KCNJ3: variants seen among roughly 807,000 people sequenced by gnomAD.
KCNJ3 encodes potassium inwardly rectifying channel subfamily J member 3.
KCNJ3 carries 4 observed loss-of-function variants against 39.2 expected under a neutral mutation model. That is an observed-to-expected ratio of 0.10 (90% confidence interval 0.05 to 0.23). The LOEUF (loss-of-function observed/expected upper bound fraction) is 0.23, where lower values mean the gene tolerates loss of function less well. KCNJ3 is among the 10% of genes least tolerant of loss of function. The probability of loss-of-function intolerance (pLI) is 1.00; values close to 1 mark genes in which losing one functional copy is unlikely to be tolerated. For missense variants in KCNJ3, 276 were observed against 634.9 expected (o/e 0.43, Z 6.08); for synonymous variants, 230 against 237.4 (o/e 0.97, Z 0.29).
At chr2:154,742,377 C>A (rs1685668678) in intron 2 of KCNJ3, among the ~76,000 whole-genome samples, 1 of 151,704 alleles carries the variant, frequency 6.6e-6, no homozygotes, top group Non-Finnish European at 1.5e-5. Flanking sequence ...GCTTTCAGGT[C>A]TTTTGGGTGT....
intron 2 of KCNJ3, among the ~76,000 whole-genome samples, chr2:154,714,099 T>C (rs1019505062): frequency 2.6e-5 from 4 of 152,172 alleles, no homozygotes; most frequent in African/African-American, 9.7e-5. Context: ...ATCTATTCTT[T>C]TCCGAAACTG....
intron 2 of KCNJ3, among the ~76,000 whole-genome samples, chr2:154,807,728 C>G (rs1461342698): frequency 2.0e-5 from 3 of 152,180 alleles, no homozygotes; most frequent in Non-Finnish European, 1.5e-5. Context: ...GTGATCAAGT[C>G]ATGGCCACCA....
intron 2 of KCNJ3, among the ~76,000 whole-genome samples, chr2:154,785,521 T>C (rs889440425): frequency 6.6e-6 from 1 of 152,098 alleles, no homozygotes; most frequent in Non-Finnish European, 1.5e-5. Context: ...ACGGGTGAAT[T>C]AATGCTGTTA....
intron 2 of KCNJ3, among the ~76,000 whole-genome samples, chr2:154,850,425 A>AG (rs1687739512): frequency 6.6e-6 from 1 of 152,108 alleles, no homozygotes; most frequent in African/African-American, 2.4e-5. Context: ...TCTCAGTTGA[A>AG]ATTTGCATTT....
In KCNJ3 at chr2:154,746,309, A is replaced by G. The variant is rs375899752; in HGVS notation, c.919+36490A>G. Among the ~76,000 whole-genome samples, 31 of 151,986 alleles carry G rather than the reference A, an allele frequency of 2.0e-4. No individual in the cohort carries two copies. The South Asian group carries it at 6.0e-3, about 29-fold the overall frequency. ...TAAGTTTTGGAAAGTCAAAAGTTGT[A>G]TGTAAACTTGTGCCTGCATGGTAAG... is the stretch of plus-strand genomic sequence containing the variant. On this transcript the variant is annotated intron_variant, in intron 2 of 2. Transcript: ENST00000295101.
chr2:154,762,755 A>T (rs1686067249), intron 2 of KCNJ3, among the ~76,000 whole-genome samples: 1 of 152,212 alleles, frequency 6.6e-6, no homozygotes, highest in African/African-American at 2.4e-5. Context: ...GGAAAGAGGA[A>T]AACAAATTGG....
chr2:154,807,950 C>G (rs1172663040), intron 2 of KCNJ3, among the ~76,000 whole-genome samples: 1 of 152,020 alleles, frequency 6.6e-6, no homozygotes, highest in African/African-American at 2.4e-5. Flanking sequence ...AGTTGGTGCT[C>G]TCTCTGTACT....
rs564869541 is a variant in KCNJ3, at chr2:154,849,318, TTTTTG to T, written c.920-5387_920-5383del. Among the ~76,000 whole-genome samples the T allele has an allele frequency of 4.1e-4, 63 of 152,206 alleles. No homozygotes were observed. The East Asian group carries it at 6.6e-3, about 16-fold the overall frequency. On this transcript the variant is annotated intron_variant, in intron 2 of 2. Coordinates refer to ENST00000295101, the MANE Select transcript of KCNJ3 (RefSeq NM_002239.4). ...AACTGAAAGGGATTTGCTCTTCTGT[TTTTTG>T]TTTTGTTTTGTTTTGTTTTGTGTTT...
At chr2:154,709,377 G>T in intron 1 of KCNJ3, 1 of 548,660 alleles carries the variant, frequency 1.8e-6, no homozygotes, top group South Asian at 2.1e-5. Context: ...TTAGGGAATG[G>T]TAATTATAGC....
intron 2 of KCNJ3, among the ~76,000 whole-genome samples, chr2:154,787,805 T>C (rs1686559787): frequency 6.6e-6 from 1 of 152,148 alleles, no homozygotes; most frequent in Non-Finnish European, 1.5e-5. Flanking sequence ...ATCTCTTCCA[T>C]TTGAAAACTT....
At chr2:154,742,767 A>T (rs573360165) in intron 2 of KCNJ3, among the ~76,000 whole-genome samples, 2 of 151,888 alleles carry the variant, frequency 1.3e-5, no homozygotes, top group South Asian at 4.1e-4. Flanking sequence ...TATACATCAG[A>T]TGTCAATTCT....
chr2:154,852,478 T>C (rs1687773169), intron 2 of KCNJ3, among the ~76,000 whole-genome samples: 1 of 152,168 alleles, frequency 6.6e-6, no homozygotes, highest in Non-Finnish European at 1.5e-5. Context: ...TTTTCTTAAA[T>C]TTAAATTAAT....
At chr2:154,740,189 T>G (rs896070775) in intron 2 of KCNJ3, among the ~76,000 whole-genome samples, 1 of 152,086 alleles carries the variant, frequency 6.6e-6, no homozygotes, top group Non-Finnish European at 1.5e-5. Context: ...AGAGATTTCC[T>G]TATTGTTTTT....
intron 2 of KCNJ3, among the ~76,000 whole-genome samples, chr2:154,756,348 T>C (rs73005204): frequency 0.1 from 15,374 of 152,188 alleles, 1,421 homozygotes; most frequent in African/African-American, 0.24. Flanking sequence ...TATGTACTTA[T>C]GCTCTGATAT....
intron 2 of KCNJ3, among the ~76,000 whole-genome samples, chr2:154,845,258 A>G (rs1687645877): frequency 6.6e-6 from 1 of 152,114 alleles, no homozygotes; most frequent in African/African-American, 2.4e-5. Flanking sequence ...AGCTGGGATT[A>G]GAGACATGTG....
At chr2:154,834,378 T>G (rs563652346) in intron 2 of KCNJ3, among the ~76,000 whole-genome samples, 1 of 152,142 alleles carries the variant, frequency 6.6e-6, no homozygotes, top group Non-Finnish European at 1.5e-5. Flanking sequence ...CCATATTTTA[T>G]TGAGGTATAG....
intron 2 of KCNJ3, among the ~76,000 whole-genome samples, chr2:154,786,354 A>G (rs1686529670): frequency 6.6e-6 from 1 of 152,232 alleles, no homozygotes; most frequent in African/African-American, 2.4e-5. Context: ...GGACATAGAA[A>G]GCCAAATATT....
intron 2 of KCNJ3, among the ~76,000 whole-genome samples, chr2:154,766,999 T>G (rs1483161203): frequency 6.6e-6 from 1 of 152,182 alleles, no homozygotes; most frequent in Non-Finnish European, 1.5e-5. Flanking sequence ...TAATACTAGA[T>G]AAGACTCTTA....
At chr2:154,732,603 C>A (rs1301444110) in intron 2 of KCNJ3, among the ~76,000 whole-genome samples, 1 of 152,008 alleles carries the variant, frequency 6.6e-6, no homozygotes. Context: ...GCTAGTATAG[C>A]AATAGTGTAT....
Sources: allele counts gnomAD v4.1 joint callset (sites outside exome capture counted in the v4.1 genomes callset), GRCh38; gene constraint gnomAD v4.1.1; transcripts MANE v1.5; gene names NCBI Gene and HGNC (gene_info 2026-07-23, HGNC 2026-07-21).